LARP1: variants seen among roughly 807,000 people sequenced by gnomAD.
The protein encoded by LARP1 is La ribonucleoprotein 1, translational regulator, also known as la-related protein 1.
LARP1 carries 36 observed loss-of-function variants against 122.7 expected under a neutral mutation model. That is an observed-to-expected ratio of 0.29 (90% confidence interval 0.22 to 0.39). LARP1 has a LOEUF of 0.39. LARP1 is among the 10% of genes least tolerant of loss of function. The pLI is 1.00. For missense variants in LARP1, 1,040 were observed against 1,403.6 expected, an observed-to-expected ratio of 0.74 and a Z score of 4.14; for synonymous variants, 539 against 528.7, an observed-to-expected ratio of 1.02 and a Z score of -0.27.
In LARP1 at chr5:154,734,123, C is replaced by T. The variant is rs1039570793; in HGVS notation, c.205+20993C>T. ...CAGAGGTTGCAGTGAGCCGAGATCA[C>T]GCTATTGTACTCCAGCCTGGGCAAC... On this transcript the variant is annotated intron_variant, in intron 1 of 18. Coordinates refer to the LARP1 transcript ENST00000336314. 2.6e-5 allele frequency among the ~76,000 whole-genome samples: 4 copies of T among 151,198 alleles called. No homozygotes were observed. The South Asian group carries it at 6.3e-4, about 24-fold the overall frequency.
intron 1 of LARP1, among the ~76,000 whole-genome samples, chr5:154,699,956 A>G (rs1319564712): frequency 1.3e-5 from 2 of 152,220 alleles, no homozygotes; most frequent in Non-Finnish European, 2.9e-5. Flanking sequence ...AACTGATTCC[A>G]GGACTCTTAT....
intron 1 of LARP1, among the ~76,000 whole-genome samples, chr5:154,700,399 G>A (rs987928796): frequency 6.6e-6 from 1 of 151,864 alleles, no homozygotes; most frequent in African/African-American, 2.4e-5. Context: ...GGTCGCAATG[G>A]CTCACACCTG....
chr5:154,742,622 C>T (rs1047371362), intron 1 of LARP1, among the ~76,000 whole-genome samples: 1 of 150,102 alleles, frequency 6.7e-6, no homozygotes, highest in African/African-American at 2.5e-5. Context: ...TCCAGCTATT[C>T]GGGAGTCTGA....
chr5:154,686,901 G>T (rs1348278359), intron 1 of LARP1, among the ~76,000 whole-genome samples: 1 of 152,216 alleles, frequency 6.6e-6, no homozygotes, highest in Non-Finnish European at 1.5e-5. Context: ...GACTTCAGAA[G>T]AAGGAACTTC....
intron 1 of LARP1, among the ~76,000 whole-genome samples, chr5:154,765,617 C>T (rs1334493280): frequency 6.6e-6 from 1 of 152,168 alleles, no homozygotes; most frequent in Non-Finnish European, 1.5e-5. Flanking sequence ...TGGTCTTAAA[C>T]TCCTAGGCTC....
At chr5:154,700,858 G>T (rs1310190796) in intron 1 of LARP1, among the ~76,000 whole-genome samples, 1 of 152,108 alleles carries the variant, frequency 6.6e-6, no homozygotes, top group Non-Finnish European at 1.5e-5. Flanking sequence ...TGGGGAGGCT[G>T]AGGCAGGAGA....
At chr5:154,730,503 G>A (rs1756491804) in intron 1 of LARP1, among the ~76,000 whole-genome samples, 1 of 130,070 alleles carries the variant, frequency 7.7e-6, no homozygotes, top group African/African-American at 2.9e-5. Flanking sequence ...ACGTTGTCTT[G>A]CCGTGGTCGC....
At position 154,755,938 on chromosome 5, in the gene LARP1, G is replaced by T. The variant is rs1053326313; in HGVS notation, c.181G>T (p.Ala61Ser). Reference protein sequence around the residue: ...GSARRPRPPCAKPHKEGTGQQ... With the variant: ...GSARRPRPPCSKPHKEGTGQQ... The stretch of plus-strand genomic sequence containing the variant: ...CGCTCGGAGACCCCGGCCGCCCTGC[G>T]CCAAGCCGCACAAGGAGGGCACCGG... The change falls in exon 1 of 19, where the codon GCC becomes TCC. Residue 61 changes from alanine to serine, a missense_variant. Physicochemically the swap from Ala to Ser is moderately conservative, Grantham distance 99. This residue lies in a region of LARP1 where 257 missense variants were observed against 273.3 expected (regional missense o/e 0.94). Transcript: ENST00000518297. The T allele has an allele frequency of 4.3e-5, 43 of 1,002,042 alleles. No homozygotes were observed. In the Middle Eastern group the frequency reaches 1.5e-3, roughly 36 times the overall value. 62.1% of individuals were successfully genotyped at this position (1,002,042 alleles called of 1,614,324 possible). A position where few individuals can be genotyped will look rare whatever the true frequency, so the allele number is the denominator to read the frequency against.
intron 1 of LARP1, among the ~76,000 whole-genome samples, chr5:154,723,044 G>C (rs1755978803): frequency 1.3e-5 from 2 of 152,202 alleles, no homozygotes; most frequent in Non-Finnish European, 2.9e-5. Context: ...GAAGGGAAGT[G>C]ACTTGGCCAA....
intron 1 of LARP1, among the ~76,000 whole-genome samples, chr5:154,717,629 A>G (rs570192092): frequency 2.0e-5 from 3 of 152,274 alleles, no homozygotes; most frequent in Admixed American, 6.5e-5. Context: ...TCTTTGTAAC[A>G]CAGGACATTT....
chr5:154,734,115 C>T (rs181972243), intron 1 of LARP1, among the ~76,000 whole-genome samples: 1 of 150,670 alleles, frequency 6.6e-6, no homozygotes, highest in Non-Finnish European at 1.5e-5. Context: ...TGCAGTGAGC[C>T]GAGATCACGC....
chr5:154,781,911 TACAC>T (rs1756482112), intron 1 of LARP1, among the ~76,000 whole-genome samples: 1 of 152,200 alleles, frequency 6.6e-6, no homozygotes, highest in South Asian at 2.1e-4. Flanking sequence ...GGAGTTGAGA[TACAC>T]ACAGATGCAA....
chr5:154,774,792 G>T (rs1755728871), intron 1 of LARP1, among the ~76,000 whole-genome samples: 1 of 152,152 alleles, frequency 6.6e-6, no homozygotes. Flanking sequence ...ATCTAAAAGG[G>T]CTTTGGTCAC....
rs897696248 is a variant in LARP1 at position 154,793,667 on chromosome 5, G to A, written c.812G>A (p.Arg271His). The change falls in exon 5 of 19, where the codon CGC becomes CAC. Residue 271 changes from arginine to histidine, a missense_variant. Around this residue, in one of 8 missense-constraint regions of LARP1, gnomAD observed 178 missense variants for 178.3 expected, o/e 1.00. Transcript: ENST00000518297. ...PEVPREKLAS[R>H]PTRPPEPRHI... ...GTGCCCAGAGAGAAACTGGCTTCAC[G>A]CCCCACTCGCCCACCGGAGCCTAGA... 4 of 1,613,870 alleles carry A rather than the reference G, an allele frequency of 2.5e-6. No homozygotes were observed. Among genetic ancestry groups the A allele is most frequent in the African/African-American group, 2.7e-5 (2 of 74,844 alleles).
intron 1 of LARP1, among the ~76,000 whole-genome samples, chr5:154,732,030 A>G (rs898649169): frequency 6.6e-4 from 100 of 151,442 alleles, no homozygotes; most frequent in African/African-American, 2.4e-3. Flanking sequence ...GAAAAAAAAA[A>G]AAAAAATTAG....
chr5:154,775,531 G>C (rs923677037), intron 1 of LARP1, among the ~76,000 whole-genome samples: 1 of 151,242 alleles, frequency 6.6e-6, no homozygotes, highest in African/African-American at 2.4e-5. Flanking sequence ...TGCGGCTTTG[G>C]TGCTTGCTGG....
At chr5:154,686,536 C>A (rs187784834) in intron 1 of LARP1, among the ~76,000 whole-genome samples, 11 of 152,180 alleles carry the variant, frequency 7.2e-5, no homozygotes, top group African/African-American at 2.2e-4. Context: ...ACATAAAGAT[C>A]CAGATTTTCC....
chr5:154,811,280 T>C lies in LARP1; in HGVS notation c.2877T>C (p.Ser959=), dbSNP rs762180844. The change falls in exon 17 of 19, where the codon AGT becomes AGC. Residue 959 remains serine, a synonymous_variant. Transcript: ENST00000518297. Reference sequence around the variant, plus strand: ...TGGAGTGCCTTTTTCGATACTACAGTTATGGCCTGGAAAAGAAGTTCCGGC... The same window carrying C: ...TGGAGTGCCTTTTTCGATACTACAGCTATGGCCTGGAAAAGAAGTTCCGGC... ...YGLECLFRYY[S]YGLEKKFRLD... 1.2e-6 allele frequency: 2 copies of C among 1,614,186 alleles called. No individual in the cohort carries two copies. Among genetic ancestry groups the C allele is most frequent in the South Asian group, 2.2e-5 (2 of 91,070 alleles).
intron 16 of LARP1, among the ~76,000 whole-genome samples, chr5:154,809,792 A>G (rs1176127347): frequency 1.5e-5 from 2 of 135,212 alleles, no homozygotes; most frequent in Admixed American, 8.4e-5. Flanking sequence ...CTCCACCTCC[A>G]CCTCCCGGGT....
Sources: gnomAD v4.1 joint callset for allele counts (sites outside exome capture counted in the v4.1 genomes callset) on GRCh38, gnomAD v4.1.1 for gene constraint, gnomAD v4.1.1 regional missense constraint, MANE v1.5 for transcripts, NCBI Gene and HGNC (gene_info 2026-07-23, HGNC 2026-07-21) for gene names.